The following DLGAP2 variants were observed in gnomAD, a reference collection of about 807,000 sequenced individuals.
The protein encoded by DLGAP2 is DLG associated protein 2.
Under a neutral mutation model 100.3 loss-of-function variants are expected in DLGAP2, and 26 were observed. That is an observed-to-expected ratio of 0.26 (90% CI 0.19 to 0.36). DLGAP2 has a LOEUF of 0.36. DLGAP2 is among the 10% of genes least tolerant of loss of function. The probability of loss-of-function intolerance (pLI) is 1.00; values close to 1 mark genes in which losing one functional copy is unlikely to be tolerated. For synonymous variants in DLGAP2, 886 were observed against 630.1 expected, an observed-to-expected ratio of 1.41 and a Z score of -6.08; for missense variants, 1,858 against 1,453.2, an observed-to-expected ratio of 1.28 and a Z score of -4.53.
chr8:1,121,098 T>G (rs1796034217), intron 2 of DLGAP2, among the ~76,000 whole-genome samples: 1 of 151,734 alleles, frequency 6.6e-6, no homozygotes, highest in Non-Finnish European at 1.5e-5. Flanking sequence ...TCACCCATCC[T>G]CATTCCTTCA....
chr8:773,676 C>T (rs1821428321), intron 1 of DLGAP2, among the ~76,000 whole-genome samples: 1 of 151,856 alleles, frequency 6.6e-6, no homozygotes. Flanking sequence ...AGGACATGAA[C>T]TCATCATTTT....
At chr8:1,170,196 C>A in intron 2 of DLGAP2, among the ~76,000 whole-genome samples, 1 of 152,196 alleles carries the variant, frequency 6.6e-6, no homozygotes, top group East Asian at 1.9e-4. Context: ...TATTGATTTG[C>A]GTATATTGAA....
intron 2 of DLGAP2, among the ~76,000 whole-genome samples, chr8:1,190,953 G>A (rs1261424795): frequency 1.3e-5 from 2 of 152,136 alleles, no homozygotes; most frequent in African/African-American, 4.8e-5. Flanking sequence ...GACATCCCCA[G>A]CAGCGCAGCG....
chr8:1,144,717 C>T (rs919879874), intron 2 of DLGAP2, among the ~76,000 whole-genome samples: 1 of 152,250 alleles, frequency 6.6e-6, no homozygotes, highest in African/African-American at 2.4e-5. Flanking sequence ...GCTGAAGTAG[C>T]CCATGCTCTA....
At position 1,549,385 on chromosome 8, in the gene DLGAP2, C is replaced by T. The variant is rs773355695; in HGVS notation, c.932C>T (p.Thr311Met). 2.6e-5 allele frequency: 42 copies of T among 1,613,326 alleles called. No homozygotes were observed. Among genetic ancestry groups the T allele is most frequent in the South Asian group, 2.3e-4 (21 of 91,086 alleles). Residue 311 changes from threonine to methionine, a missense_variant, in exon 5 of 15, where the codon ACG becomes ATG. Coordinates refer to ENST00000637795, the MANE Select transcript of DLGAP2 (RefSeq NM_001346810.2). ...CTGGACAGCGACAGCACCTATCGGA[C>T]GCCCAGCGTGCTCAACCGGCACCAC... ...DNLDSDSTYR[T>M]PSVLNRHHLG...
intron 2 of DLGAP2, among the ~76,000 whole-genome samples, chr8:1,041,508 G>A (rs1195222262): frequency 1.3e-5 from 2 of 152,188 alleles, no homozygotes; most frequent in Non-Finnish European, 2.9e-5. Context: ...CTGTTTCTGA[G>A]AAAAGTGTTC....
intron 1 of DLGAP2, among the ~76,000 whole-genome samples, chr8:783,699 T>C (rs1408355905): frequency 6.6e-6 from 1 of 152,146 alleles, no homozygotes; most frequent in Non-Finnish European, 1.5e-5. Context: ...CCTACTGTGT[T>C]CTCAAACTCA....
At chr8:1,194,372 G>C (rs116697803) in intron 2 of DLGAP2, among the ~76,000 whole-genome samples, 3,996 of 152,126 alleles carry the variant, frequency 0.026, 200 homozygotes, top group African/African-American at 0.093. Context: ...GTCGGTTGGC[G>C]GCCGGCCCAC....
chr8:1,609,297 A>C (rs199813852), intron 6 of DLGAP2, among the ~76,000 whole-genome samples: 58,303 of 134,632 alleles, frequency 0.43, 13,727 homozygotes, highest in Non-Finnish European at 0.52. Flanking sequence ...ACTAAGCTTC[A>C]TAAGTGAAGG....
At chr8:1,487,898 T>A (rs1799271099) in intron 3 of DLGAP2, among the ~76,000 whole-genome samples, 1 of 152,190 alleles carries the variant, frequency 6.6e-6, no homozygotes, top group Admixed American at 6.5e-5. Flanking sequence ...CCACAGTTGC[T>A]GGAGCTGCTC....
At chr8:1,209,206 CA>C (rs1798055764) in intron 2 of DLGAP2, among the ~76,000 whole-genome samples, 1 of 152,010 alleles carries the variant, frequency 6.6e-6, no homozygotes, top group African/African-American at 2.4e-5. Context: ...CAAGACTAAG[CA>C]AAAAGAACGA....
rs556117522 is a variant in DLGAP2, at chr8:1,057,826, C to T, written c.73+149860C>T. Among the ~76,000 whole-genome samples, 4 of 152,018 alleles carry T rather than the reference C, an allele frequency of 2.6e-5. No individual in the cohort carries two copies. The South Asian group carries it at 8.3e-4, about 32-fold the overall frequency. ...TAGTTCAATGTAGCAAAACAAAGTACTTGTTGAAGCTTTGATGTTTAAGGC... is the reference window on the plus strand; with the variant it reads ...TAGTTCAATGTAGCAAAACAAAGTATTTGTTGAAGCTTTGATGTTTAAGGC... On this transcript the variant is annotated intron_variant, in intron 2 of 14. Transcript: ENST00000637795.
chr8:1,418,558 T>C (rs1013638399), intron 3 of DLGAP2, among the ~76,000 whole-genome samples: 12 of 152,106 alleles, frequency 7.9e-5, no homozygotes, highest in Non-Finnish European at 1.8e-4. Flanking sequence ...CTGCCAGTGC[T>C]CTCTCTGCAT....
At chr8:797,024 A>G (rs1796050071) in intron 1 of DLGAP2, among the ~76,000 whole-genome samples, 1 of 152,218 alleles carries the variant, frequency 6.6e-6, no homozygotes, top group African/African-American at 2.4e-5. Flanking sequence ...CTTAAAATGT[A>G]TTTCCATTGG....
At chr8:1,264,672 C>A (rs1368610029) in intron 3 of DLGAP2, among the ~76,000 whole-genome samples, 1 of 152,084 alleles carries the variant, frequency 6.6e-6, no homozygotes, top group Non-Finnish European at 1.5e-5. Flanking sequence ...GGTCAAAGGA[C>A]TTCTCCACTA....
chr8:1,287,763 G>A (rs1309040856), intron 3 of DLGAP2, among the ~76,000 whole-genome samples: 2 of 41,532 alleles, frequency 4.8e-5, no homozygotes, highest in Non-Finnish European at 8.8e-5. Context: ...TTGGTTCAGC[G>A]TGTGTGTGTG....
intron 2 of DLGAP2, among the ~76,000 whole-genome samples, chr8:1,098,950 G>C (rs1402206484): frequency 6.6e-6 from 1 of 152,200 alleles, no homozygotes; most frequent in African/African-American, 2.4e-5. Flanking sequence ...TTGCTAAATG[G>C]TGCCTGGGAG....
At chr8:1,128,209 C>T (rs1381398283) in intron 2 of DLGAP2, among the ~76,000 whole-genome samples, 4 of 151,542 alleles carry the variant, frequency 2.6e-5, no homozygotes, top group Non-Finnish European at 5.9e-5. Context: ...TCGGTGAGGA[C>T]CTGCTCCCCA....
At chr8:743,456 C>G (rs1473489321) in intron 1 of DLGAP2, among the ~76,000 whole-genome samples, 1 of 152,116 alleles carries the variant, frequency 6.6e-6, no homozygotes, top group Admixed American at 6.6e-5. Context: ...GTTAAAAATA[C>G]AGAAGTATTT....
Sources: allele counts gnomAD v4.1 joint callset (sites outside exome capture counted in the v4.1 genomes callset), GRCh38; gene constraint gnomAD v4.1.1; transcripts MANE v1.5; gene names NCBI Gene and HGNC (gene_info 2026-07-23, HGNC 2026-07-21).